The following LYRM4 variants were observed in gnomAD, a reference collection of about 807,000 sequenced individuals.
The protein encoded by LYRM4 is LYR motif containing 4, also known as LYR motif-containing protein 4.
LYRM4 carries 9 observed loss-of-function variants against 11.7 expected under a neutral mutation model. The observed-to-expected ratio is 0.77, with a 90% CI of 0.46 to 1.34. The LOEUF is 1.34. Among genes scored for constraint, LYRM4 ranks in the 40% most tolerant of loss-of-function variants. The pLI, the probability that LYRM4 is intolerant of heterozygous loss-of-function variation, is 0.00. For synonymous variants in LYRM4, 42 were observed against 40.4 expected (o/e 1.04, Z -0.15); for missense variants, 133 against 112.5 (o/e 1.18, Z -0.82).
At chr6:5,084,783 C>G in the LYRM4 span, 1 of 152,358 alleles carries the variant, frequency 6.6e-6, no homozygotes, top group East Asian at 1.9e-4. Flanking sequence ...ACCCGGGGCG[C>G]CCTGAAGTTT....
At chr6:5,102,101 T>G (rs1045351124), downstream of LYRM4, among the ~76,000 whole-genome samples, 2 of 151,670 alleles carry the variant, frequency 1.3e-5, no homozygotes, top group Non-Finnish European at 2.9e-5. Flanking sequence ...CCTGATTTTT[T>G]TTTTAAAGAC....
chr6:5,086,482 T>TG, the LYRM4 span: 1 of 1,537,388 alleles, frequency 6.5e-7, no homozygotes, highest in East Asian at 2.4e-5. Context: ...CTGCTACCGC[T>TG]GCGCGCAGGG....
At chr6:5,193,921 A>C (rs919480504) in intron 2 of LYRM4, among the ~76,000 whole-genome samples, 1 of 152,138 alleles carries the variant, frequency 6.6e-6, no homozygotes, top group Non-Finnish European at 1.5e-5. Context: ...CGGATGATCA[A>C]AATTAATGGT....
chr6:5,131,466 A>T (rs1188511064), intron 2 of LYRM4, among the ~76,000 whole-genome samples: 3 of 152,220 alleles, frequency 2.0e-5, no homozygotes, highest in African/African-American at 7.2e-5. Flanking sequence ...TTGGGAGGTA[A>T]AGGCAGGAGG....
the LYRM4 span, among the ~76,000 whole-genome samples, chr6:5,070,081 C>G: frequency 6.6e-6 from 1 of 152,198 alleles, no homozygotes; most frequent in Admixed American, 6.5e-5. Flanking sequence ...AATGCAGGCT[C>G]TAACATTATT....
rs777995486 is a variant in LYRM4 at position 5,256,490 on chromosome 6, G to GAAAAAAAAAAAAAAAAAA, written c.86+4157_86+4158insTTTTTTTTTTTTTTTTTT. On this transcript the variant is annotated intron_variant, in intron 1 of 2. Coordinates refer to ENST00000330636, the MANE Select transcript of LYRM4 (RefSeq NM_020408.6). Reference sequence around the variant, plus strand: ...GGGCAACAAGGGCAAGATTTCAACTGGAAAAAAAAAAAAAAAAAAAAAAAA... The same window carrying GAAAAAAAAAAAAAAAAAA: ...GGGCAACAAGGGCAAGATTTCAACTGAAAAAAAAAAAAAAAAAAGAAAAAAAAAAAAAAAAAAAAAAAA... 7.5e-4 allele frequency among the ~76,000 whole-genome samples: 28 copies of GAAAAAAAAAAAAAAAAAA among 37,522 alleles called. 11 individuals are homozygous for GAAAAAAAAAAAAAAAAAA. Among genetic ancestry groups the GAAAAAAAAAAAAAAAAAA allele is most frequent in the African/African-American group, 8.9e-4 (11 of 12,310 alleles). 24.6% of individuals were successfully genotyped at this position (37,522 alleles called of 152,430 possible).
intron 1 of LYRM4, among the ~76,000 whole-genome samples, chr6:5,256,953 CA>C (rs565091896): frequency 1.4e-4 from 21 of 152,122 alleles, no homozygotes; most frequent in Non-Finnish European, 2.9e-4. Context: ...CCAGTTCCAA[CA>C]ATTTTCCCTT....
chr6:5,257,373 C>G (rs1764728304), intron 1 of LYRM4, among the ~76,000 whole-genome samples: 1 of 152,218 alleles, frequency 6.6e-6, no homozygotes, highest in Non-Finnish European at 1.5e-5. Context: ...CTAGATTCCA[C>G]ACCTTGTACA....
intron 2 of LYRM4, among the ~76,000 whole-genome samples, chr6:5,140,509 G>A (rs941650132): frequency 1.3e-5 from 2 of 152,138 alleles, no homozygotes; most frequent in Non-Finnish European, 2.9e-5. Context: ...CCAACACAAA[G>A]GTTTAGACAA....
the LYRM4 span, among the ~76,000 whole-genome samples, chr6:5,076,317 C>T: frequency 3.2e-4 from 48 of 151,960 alleles, 1 homozygote; most frequent in Admixed American, 3.2e-3. Flanking sequence ...ACAAACCAGC[C>T]AGAGTAACTT....
chr6:5,126,355 G>A (rs956926891), intron 2 of LYRM4, among the ~76,000 whole-genome samples: 2 of 152,186 alleles, frequency 1.3e-5, no homozygotes, highest in South Asian at 2.1e-4. Flanking sequence ...CAAGACCCTG[G>A]GGAGATCGGC....
chr6:5,063,197 A>G, the LYRM4 span, among the ~76,000 whole-genome samples: 5 of 151,654 alleles, frequency 3.3e-5, no homozygotes, highest in Non-Finnish European at 7.4e-5. Context: ...TTTCTTTTTT[A>G]GGAAGGCACT....
At chr6:5,074,397 CTTTTTTTTTTTT>C in the LYRM4 span, among the ~76,000 whole-genome samples, 6 of 76,738 alleles carry the variant, frequency 7.8e-5, no homozygotes, top group Admixed American at 4.6e-4. Context: ...AGCACAGGTA[CTTTTTTTTTTTT>C]TTTTTTTTTT....
At chr6:5,142,998 C>G (rs1757492607) in intron 2 of LYRM4, among the ~76,000 whole-genome samples, 1 of 152,248 alleles carries the variant, frequency 6.6e-6, no homozygotes, top group Non-Finnish European at 1.5e-5. Context: ...TTGCCCTACT[C>G]TGACTCCCCA....
the LYRM4 span, chr6:5,086,344 G>A: frequency 2.0e-6 from 3 of 1,535,942 alleles, no homozygotes; most frequent in Non-Finnish European, 2.6e-6. Flanking sequence ...CTCCGAGCCA[G>A]GGTCCGGGGA....
intron 2 of LYRM4, among the ~76,000 whole-genome samples, chr6:5,141,464 G>C (rs2127624481): frequency 6.6e-6 from 1 of 152,322 alleles, no homozygotes; most frequent in South Asian, 2.1e-4. Flanking sequence ...GCCTGGGCAG[G>C]AACTTGTAAA....
At chr6:5,239,164 C>G (rs766584871) in intron 1 of LYRM4, among the ~76,000 whole-genome samples, 3 of 152,160 alleles carry the variant, frequency 2.0e-5, no homozygotes, top group Non-Finnish European at 4.4e-5. Context: ...AAGCAATCAA[C>G]TCGTGAGACA....
At chr6:5,258,338 C>G (rs1481507328) in intron 1 of LYRM4, among the ~76,000 whole-genome samples, 2 of 152,264 alleles carry the variant, frequency 1.3e-5, no homozygotes, top group Non-Finnish European at 2.9e-5. Flanking sequence ...GCTTATTCAG[C>G]ACTACCTGTG....
At chr6:5,038,642 G>C in the LYRM4 span, among the ~76,000 whole-genome samples, 2 of 63,676 alleles carry the variant, frequency 3.1e-5, 1 homozygote, top group East Asian at 4.2e-3. Flanking sequence ...CCGGCACCTC[G>C]GGAGGCCGAG....
Sources: gnomAD v4.1 joint callset for allele counts (sites outside exome capture counted in the v4.1 genomes callset) on GRCh38, gnomAD v4.1.1 for gene constraint, MANE v1.5 for transcripts, NCBI Gene and HGNC (gene_info 2026-07-23, HGNC 2026-07-21) for gene names.